SUSD2: variants seen among roughly 807,000 people sequenced by gnomAD.
SUSD2 encodes sushi domain-containing protein 2.
SUSD2 carries 86 observed loss-of-function variants against 93.8 expected under a neutral mutation model. The observed-to-expected ratio is 0.92, with a 90% CI of 0.77 to 1.10. The LOEUF (loss-of-function observed/expected upper bound fraction) is 1.10, where lower values mean the gene tolerates loss of function less well. SUSD2 is among the 50% of genes least tolerant of loss of function. The pLI is 0.00. For missense variants in SUSD2, 1,060 were observed against 1,137.0 expected (o/e 0.93, Z 0.97); for synonymous variants, 483 against 485.0 (o/e 1.00, Z 0.05).
At position 24,184,848 on chromosome 22, in the gene SUSD2, C is replaced by T; in HGVS notation, c.690C>T (p.Phe230=). The change falls in exon 5 of 15, where the codon TTC becomes TTT. Residue 230 remains phenylalanine, a synonymous_variant. Coordinates refer to ENST00000358321, the MANE Select transcript of SUSD2 (RefSeq NM_019601.4). The part of the protein sequence containing the change: ...LATHIPNSGS[F]TFTPKPAPPS... The stretch of plus-strand genomic sequence containing the variant: ...CACACATCCCCAACTCCGGCTCTTT[C>T]ACTTTCACCCCAAAACCTGCTCCTC... The T allele has an allele frequency of 1.2e-6, 2 of 1,614,028 alleles. No individual in the cohort carries two copies. The highest frequency in any genetic ancestry group is 1.7e-6 in the Non-Finnish European group (2 of 1,179,982).
At position 24,185,183 on chromosome 22, in the gene SUSD2, C is replaced by T. The variant is rs755542641; in HGVS notation, c.872C>T (p.Thr291Ile). 1.9e-6 allele frequency: 3 copies of T among 1,612,172 alleles called. No homozygotes were observed. Among genetic ancestry groups the T allele is most frequent in the Non-Finnish European group, 2.5e-6 (3 of 1,179,792 alleles). The part of the protein sequence containing the change: ...FREDPVAWAR[T>I]QCQAWEELED... ...GAGGACCCTGTGGCCTGGGCACGAACTCAGTGCCAGGCCTGGGAGGAGCTG... is the reference window on the plus strand; with the variant it reads ...GAGGACCCTGTGGCCTGGGCACGAATTCAGTGCCAGGCCTGGGAGGAGCTG... The change falls in exon 6 of 15, where the codon ACT (threonine) becomes ATT (isoleucine). Residue 291 changes from threonine (T) to isoleucine (I), a missense_variant. Coordinates refer to ENST00000358321, the MANE Select transcript of SUSD2 (RefSeq NM_019601.4).
chr22:24,185,743 A>G lies in SUSD2; in HGVS notation c.1153A>G (p.Thr385Ala). 2 of 1,609,030 alleles carry G rather than the reference A, an allele frequency of 1.2e-6. No individual in the cohort carries two copies. The highest frequency in any genetic ancestry group is 1.7e-6 in the Non-Finnish European group (2 of 1,178,696). ...GACAGCTGACTCCAGCGGCGGCAGC[A>G]CTCCCGACCGCGGCCATGACTGGGG... ...LLTADSSGGS[T>A]PDRGHDWGAP... The change falls in exon 8 of 15, where the codon ACT (threonine) becomes GCT (alanine). Residue 385 changes from threonine (T) to alanine (A), a missense_variant. Physicochemically the swap from Thr to Ala is moderately conservative, Grantham distance 58 (BLOSUM62 0). This residue lies in a region of SUSD2 where 973 missense variants were observed against 1,005.3 expected (regional missense o/e 0.97). Transcript: ENST00000358321.
At chr22:24,184,622 A>T (rs1668776909) in intron 4 of SUSD2, 144 bp from the exon 5 acceptor site, 2 of 683,342 alleles carry the variant, frequency 2.9e-6, no homozygotes, top group Admixed American at 6.1e-5. Flanking sequence ...ATGGTCACCC[A>T]AGCCGGGGTC....
At position 24,184,353 on chromosome 22, in the gene SUSD2, G is replaced by A. The variant is rs777013435; in HGVS notation, c.607+50G>A. On this transcript the variant is annotated intron_variant, in intron 4 of 14. Transcript: ENST00000358321. The stretch of plus-strand genomic sequence containing the variant: ...GGCATCAGAGCTTTGGGCCCCCAGA[G>A]GGGGAGAAAGGGGGTCCCAGCTGTG... 4.8e-5 allele frequency: 75 copies of A among 1,578,284 alleles called. 1 individual carries two copies. The highest frequency in any genetic ancestry group is 6.4e-5 in the Non-Finnish European group (74 of 1,155,564).
At chr22:24,183,786 G>A in intron 3 of SUSD2, 140 bp downstream of exon 3, 1 of 981,988 alleles carries the variant, frequency 1.0e-6, no homozygotes, top group East Asian at 2.6e-5. Flanking sequence ...GCCTGCGAGA[G>A]TTCCTTCAGC....
chr22:24,186,391 G>A lies in SUSD2; in HGVS notation c.1618G>A (p.Glu540Lys), dbSNP rs923843738. 1.8e-5 allele frequency: 29 copies of A among 1,613,436 alleles called. No homozygotes were observed. The highest frequency in any genetic ancestry group is 3.3e-5 in the Admixed American group (2 of 60,010). Residue 540 changes from glutamate (E) to lysine (K), a missense_variant, in exon 10 of 15, where the codon GAG (glutamate) becomes AAG (lysine). This residue lies in a region of SUSD2 where 973 missense variants were observed against 1,005.3 expected (regional missense o/e 0.97). Coordinates refer to ENST00000358321, the MANE Select transcript of SUSD2 (RefSeq NM_019601.4). ...LLNQEVLSFT[E>K]QSWMDLKGMF... is the part of the protein sequence containing the mutation. ...GAACCAGGAGGTGCTGAGCTTCACC[G>A]AGCAGAGCTGGATGGACCTGAAAGG...
chr22:24,185,401 G>C (rs1238801428), intron 6 of SUSD2, 85 bp from the exon 7 acceptor site: 1 of 1,536,856 alleles, frequency 6.5e-7, no homozygotes, highest in Non-Finnish European at 8.8e-7. Flanking sequence ...TGGGGCTGGG[G>C]TCTCAGGACC....
In SUSD2 at chr22:24,188,183, C is replaced by G; in HGVS notation, c.2342-42C>G. On this transcript the variant is annotated intron_variant, in intron 13 of 14. Coordinates refer to ENST00000358321, the MANE Select transcript of SUSD2 (RefSeq NM_019601.4). The surrounding 1 kb of genome is among the most constrained non-coding windows in gnomAD (Gnocchi z 4.7). ...CCTGCCTGCACCTGTCCCCACTCAC[C>G]ACCCCAGAGAGCCCCCTCACTGACA... is the stretch of plus-strand genomic sequence containing the variant. 6.3e-7 allele frequency: 1 copy of G among 1,594,150 alleles called. No homozygotes were observed. The highest frequency in any genetic ancestry group is 8.6e-7 in the Non-Finnish European group (1 of 1,166,864).
chr22:24,189,092 C>G lies in SUSD2; in HGVS notation c.*656C>G, dbSNP rs141636212. ...CCTGCCTGTGCAAAGAGAAAACAAG[C>G]GCCTTGTTTCCTTCCCTGGTCTCCT... On this transcript the variant is annotated 3_prime_UTR_variant, in exon 15 of 15. Coordinates refer to ENST00000358321, the MANE Select transcript of SUSD2 (RefSeq NM_019601.4). The G allele has an allele frequency of 6.6e-6, 1 of 152,358 alleles. No individual in the cohort carries two copies. Among genetic ancestry groups the G allele is most frequent in the Non-Finnish European group, 1.5e-5 (1 of 68,140 alleles). 9.4% of individuals were successfully genotyped at this position (152,358 alleles called of 1,614,324 possible). A position where few individuals can be genotyped will look rare whatever the true frequency, so the allele number is the denominator to read the frequency against.
At position 24,183,475 on chromosome 22, in the gene SUSD2, C is replaced by T. The variant is rs2047338682; in HGVS notation, c.288-20C>T. 16 of 1,597,458 alleles carry T rather than the reference C, an allele frequency of 1.0e-5. No individual in the cohort carries two copies. The highest frequency in any genetic ancestry group is 1.4e-5 in the Non-Finnish European group (16 of 1,171,848). ...CAGCCTGCAATGACCCAGCCCCTCC[C>T]ACCACCACCACGCCCACAGGTTTAA... On this transcript the variant is annotated intron_variant, in intron 2 of 14. Transcript: ENST00000358321.
intron 2 of SUSD2, 28 bp downstream of exon 2, chr22:24,183,295 G>C: frequency 6.3e-7 from 1 of 1,593,688 alleles, no homozygotes; most frequent in Non-Finnish European, 8.6e-7. Flanking sequence ...GCCGGGCACT[G>C]GGGCCCCACG....
In SUSD2 at chr22:24,184,384, G is replaced by A. The variant is rs1296561654; in HGVS notation, c.607+81G>A. 9.7e-6 allele frequency: 14 copies of A among 1,437,442 alleles called. No individual in the cohort carries two copies. In the East Asian group the frequency reaches 2.1e-4, roughly 22 times the overall value. 89.0% of individuals were successfully genotyped at this position (1,437,442 alleles called of 1,614,324 possible). ...GAAAGGGGGTCCCAGCTGTGTGGGA[G>A]GAGGAAGGGAGTTTCCAGGTGGGGT... On this transcript the variant is annotated intron_variant, in intron 4 of 14. Transcript: ENST00000358321.
In SUSD2 at chr22:24,185,118, C is replaced by A; in HGVS notation, c.807C>A (p.Asn269Lys). 1 of 1,612,888 alleles carries A rather than the reference C, an allele frequency of 6.2e-7. No homozygotes were observed. Among genetic ancestry groups the A allele is most frequent in the Non-Finnish European group, 8.5e-7 (1 of 1,179,804 alleles). Reference sequence around the variant, plus strand: ...GGGACGTGCAGGCGCTCTGGACCAACGACCACGCACTGGCCTGGCACCTGA... The same window carrying A: ...GGGACGTGCAGGCGCTCTGGACCAAAGACCACGCACTGGCCTGGCACCTGA... ...GQKDVQALWT[N>K]DHALAWHLSD... Residue 269 changes from asparagine to lysine, a missense_variant, in exon 6 of 15, where the codon AAC becomes AAA. Physicochemically the swap from Asn to Lys is moderately conservative, Grantham distance 94. This residue lies in a region of SUSD2 where 973 missense variants were observed against 1,005.3 expected (regional missense o/e 0.97). Transcript: ENST00000358321.
rs748872534 is a variant in SUSD2 at position 24,185,061 on chromosome 22, G to A, written c.783-33G>A. Reference sequence around the variant, plus strand: ...GTGGGGCGACCATGGGGTGGTGTGGGCTGGCCCAGCTCCAGCATCATCACC... The same window carrying A: ...GTGGGGCGACCATGGGGTGGTGTGGACTGGCCCAGCTCCAGCATCATCACC... On this transcript the variant is annotated intron_variant, in intron 5 of 14. Transcript: ENST00000358321. 5 of 1,611,656 alleles carry A rather than the reference G, an allele frequency of 3.1e-6. No homozygotes were observed. The East Asian group carries it at 1.1e-4, about 36-fold the overall frequency.
At chr22:24,187,109 C>T (rs1478215845) in intron 10 of SUSD2, 93 bp from the exon 11 acceptor site, 4 of 1,513,456 alleles carry the variant, frequency 2.6e-6, no homozygotes, top group African/African-American at 1.4e-5. Flanking sequence ...CCCTCACCCA[C>T]AGCCCCTGGG....
intron 10 of SUSD2, 81 bp from the exon 11 acceptor site, chr22:24,187,121 G>A: frequency 1.3e-6 from 2 of 1,539,980 alleles, no homozygotes; most frequent in Non-Finnish European, 1.7e-6. Flanking sequence ...GCCCCTGGGT[G>A]CCGACCACCC....
chr22:24,186,425 C>A lies in SUSD2; in HGVS notation c.1642+10C>A. ...TGGATGGACCTGAAAGGTGAGCAGTCCAGCCACGCGAGGCTGCGGGCTGCC... is the reference window on the plus strand; with the variant it reads ...TGGATGGACCTGAAAGGTGAGCAGTACAGCCACGCGAGGCTGCGGGCTGCC... On this transcript the variant is annotated intron_variant, in intron 10 of 14. Coordinates refer to ENST00000358321, the MANE Select transcript of SUSD2 (RefSeq NM_019601.4). 1 of 1,612,248 alleles carries A rather than the reference C, an allele frequency of 6.2e-7. No homozygotes were observed. Among genetic ancestry groups the A allele is most frequent in the Non-Finnish European group, 8.5e-7 (1 of 1,179,668 alleles).
chr22:24,187,426 GA>G lies in SUSD2; in HGVS notation c.1868del (p.Glu623GlyfsTer77). On this transcript the variant is annotated frameshift_variant, in exon 11 of 15. Coordinates refer to ENST00000358321, the MANE Select transcript of SUSD2 (RefSeq NM_019601.4). LOFTEE classifies it high-confidence loss of function. ...RVLPPGTSPQ[E>X]LFLFGANWTV... ...CCTGCCCCCAGGCACCAGTCCCCAG[GA>G]GCTGTTCCTGTTTGGGGCCAACTGT... The G allele has an allele frequency of 6.2e-7, 1 of 1,613,284 alleles. No homozygotes were observed. Among genetic ancestry groups the G allele is most frequent in the Non-Finnish European group, 8.5e-7 (1 of 1,179,996 alleles).
At position 24,188,053 on chromosome 22, in the gene SUSD2, C is replaced by A. The variant is rs74558263; in HGVS notation, c.2259C>A (p.Asn753Lys). ...AGSTIYFHCD[N>K]GYSLAGAETS... ...CCACCATCTACTTCCACTGTGACAA[C>A]GGCTACAGCCTGGCCGGGGCAGAGA... Residue 753 changes from asparagine (N) to lysine (K), a missense_variant, in exon 13 of 15, where the codon AAC becomes AAA. This residue lies in a region of SUSD2 where 973 missense variants were observed against 1,005.3 expected (regional missense o/e 0.97). Transcript: ENST00000358321. The surrounding 1 kb of genome is among the most constrained non-coding windows in gnomAD (Gnocchi z 4.7). 1 of 1,612,826 alleles carries A rather than the reference C, an allele frequency of 6.2e-7. No individual in the cohort carries two copies. Among genetic ancestry groups the A allele is most frequent in the Non-Finnish European group, 8.5e-7 (1 of 1,179,918 alleles).
Sources: gnomAD v4.1 joint callset for allele counts on GRCh38, gnomAD v4.1.1 for gene constraint, gnomAD v4.1.1 regional missense constraint, Gnocchi (gnomAD v3.1) non-coding constraint, MANE v1.5 for transcripts, NCBI Gene and HGNC (gene_info 2026-07-23, HGNC 2026-07-21) for gene names.